Variants in BRINP3 observed in about 807,000 individuals in gnomAD.
BRINP3 encodes the protein BMP/retinoic acid-inducible neural-specific protein 3.
A neutral mutation model predicts 71.0 loss-of-function variants in BRINP3; 19 were observed. The observed-to-expected ratio is 0.27, with a 90% CI of 0.19 to 0.39. BRINP3 has a LOEUF of 0.39. Among genes scored for constraint, BRINP3 ranks in the 10% least tolerant of loss-of-function variants. The pLI is 1.00. For synonymous variants in BRINP3, 380 were observed against 337.7 expected (o/e 1.13, Z -1.37); for missense variants, 959 against 940.8 (o/e 1.02, Z -0.25).
chr1:190,314,357 G>A (rs1665739923), intron 2 of BRINP3, among the ~76,000 whole-genome samples: 3 of 152,038 alleles, frequency 2.0e-5, no homozygotes, highest in African/African-American at 7.2e-5. Context: ...ATCCATGAAT[G>A]TCTTGGGTTA....
chr1:190,203,750 AATATATATATATATATATATATATAT>A (rs553650706), intron 6 of BRINP3, among the ~76,000 whole-genome samples: 1,008 of 39,336 alleles, frequency 0.026, 53 homozygotes, highest in African/African-American at 0.042. Flanking sequence ...CACTAAAGAA[AATATATATATATATATATATATATAT>A]ATATATATAT....
At chr1:190,162,582 A>G (rs1417701191) in intron 6 of BRINP3, among the ~76,000 whole-genome samples, 2 of 152,194 alleles carry the variant, frequency 1.3e-5, no homozygotes, top group African/African-American at 2.4e-5. Context: ...AGATGCCACT[A>G]TCTTCAAAAC....
At chr1:190,205,586 G>C (rs539492738) in intron 6 of BRINP3, among the ~76,000 whole-genome samples, 1 of 152,042 alleles carries the variant, frequency 6.6e-6, no homozygotes, top group Non-Finnish European at 1.5e-5. Flanking sequence ...TTAGAGAAAA[G>C]AAATGATTGG....
In BRINP3 at chr1:190,157,449, T is replaced by C. The variant is rs188999078; in HGVS notation, c.1184+3219A>G. ...TGGATTCCCTGAGATTGTCCAAATC[T>C]TCCCTGAGCTTCAGACATACATATC... On this transcript the variant is annotated intron_variant, in intron 7 of 7. Coordinates refer to ENST00000367462, the MANE Select transcript of BRINP3 (RefSeq NM_199051.3). Among the ~76,000 whole-genome samples the C allele has an allele frequency of 3.7e-3, 556 of 152,154 alleles. 2 individuals are homozygous for C. Among genetic ancestry groups the C allele is most frequent in the Non-Finnish European group, 5.8e-3 (392 of 67,978 alleles).
intron 2 of BRINP3, among the ~76,000 whole-genome samples, chr1:190,423,861 T>C (rs73058758): frequency 0.018 from 2,803 of 151,782 alleles, 90 homozygotes; most frequent in African/African-American, 0.064. Context: ...TTTTCTCTTA[T>C]AGGGATTTTA....
chr1:190,455,082 A>G (rs949938452), intron 1 of BRINP3, 142 bp from the exon 2 acceptor site: 9 of 496,740 alleles, frequency 1.8e-5, no homozygotes, highest in Non-Finnish European at 2.8e-5. Flanking sequence ...AATACAAACC[A>G]AAATTATTTT....
chr1:190,292,986 G>C (rs888795013), intron 2 of BRINP3, among the ~76,000 whole-genome samples: 8 of 147,746 alleles, frequency 5.4e-5, no homozygotes, highest in Non-Finnish European at 7.5e-5. Context: ...TATTATTTTT[G>C]ATTTGTTGAT....
intron 2 of BRINP3, among the ~76,000 whole-genome samples, chr1:190,298,984 G>T (rs1181101230): frequency 6.6e-6 from 1 of 152,052 alleles, no homozygotes; most frequent in East Asian, 1.9e-4. Context: ...CTGCAGCCCA[G>T]TTGTTTGGTG....
chr1:190,191,127 T>C (rs1157923429), intron 6 of BRINP3, among the ~76,000 whole-genome samples: 1 of 152,112 alleles, frequency 6.6e-6, no homozygotes, highest in East Asian at 1.9e-4. Context: ...TTAACAATCA[T>C]CAATCATTCA....
rs1041635742 is a variant in BRINP3, at chr1:190,397,519, T to C, written c.236+57136A>G. Among the ~76,000 whole-genome samples the C allele has an allele frequency of 3.3e-4, 50 of 152,122 alleles. 1 individual carries two copies. Among genetic ancestry groups the C allele is most frequent in the Admixed American group, 3.2e-3 (48 of 15,236 alleles). ...TCCTTGGTCTGAAAACAATCAGTTG[T>C]GTACCTTAGATTTCTTTCATATTAT... On this transcript the variant is annotated intron_variant, in intron 2 of 7. Coordinates refer to ENST00000367462, the MANE Select transcript of BRINP3 (RefSeq NM_199051.3).
intron 6 of BRINP3, among the ~76,000 whole-genome samples, chr1:190,212,365 C>T (rs1431415061): frequency 6.6e-6 from 1 of 152,030 alleles, no homozygotes; most frequent in Non-Finnish European, 1.5e-5. Context: ...ATCTTATTTT[C>T]AGCTATTTAG....
intron 4 of BRINP3, among the ~76,000 whole-genome samples, chr1:190,264,100 A>G (rs987077144): frequency 6.6e-6 from 1 of 152,228 alleles, no homozygotes; most frequent in African/African-American, 2.4e-5. Context: ...GCCATTTGAC[A>G]AATGAAATTA....
intron 2 of BRINP3, chr1:190,302,797 T>C (rs987395949): frequency 6.6e-6 from 1 of 151,846 alleles, no homozygotes; most frequent in African/African-American, 2.4e-5. Context: ...TTCAGGTAAG[T>C]GCTGTATATA....
chr1:190,116,503 G>A lies in BRINP3; in HGVS notation c.1185-17369C>T, dbSNP rs181818363. ...ACACCTGCTGTCCTTTCTGTTATTTGTTTGTAAAATTAAATTCAAAGTAGC... is the reference window on the plus strand; with the variant it reads ...ACACCTGCTGTCCTTTCTGTTATTTATTTGTAAAATTAAATTCAAAGTAGC... On this transcript the variant is annotated intron_variant, in intron 7 of 7. Coordinates refer to ENST00000367462, the MANE Select transcript of BRINP3 (RefSeq NM_199051.3). Among the ~76,000 whole-genome samples the A allele has an allele frequency of 1.2e-4, 19 of 152,096 alleles. No individual in the cohort carries two copies. The East Asian group carries it at 3.3e-3, about 26-fold the overall frequency.
At chr1:190,459,042 T>C (rs1038314100) in intron 1 of BRINP3, among the ~76,000 whole-genome samples, 1 of 151,700 alleles carries the variant, frequency 6.6e-6, no homozygotes, top group South Asian at 2.1e-4. Flanking sequence ...TAAGTATTTA[T>C]GGTTTTTTTC....
chr1:190,456,881 G>A (rs1676030000), intron 1 of BRINP3, among the ~76,000 whole-genome samples: 2 of 152,176 alleles, frequency 1.3e-5, no homozygotes, highest in South Asian at 2.1e-4. Flanking sequence ...GAAAGGATGT[G>A]TTTCTTAATT....
intron 2 of BRINP3, among the ~76,000 whole-genome samples, chr1:190,408,019 C>CTT (rs34343187): frequency 0.79 from 79,196 of 99,792 alleles, 34,023 homozygotes; most frequent in Non-Finnish European, 0.89. Context: ...CTACATTTGT[C>CTT]TTTTTTTTTT....
At chr1:190,196,250 C>T (rs962342181) in intron 6 of BRINP3, among the ~76,000 whole-genome samples, 11 of 152,106 alleles carry the variant, frequency 7.2e-5, no homozygotes, top group African/African-American at 2.7e-4. Context: ...CTACCAATAG[C>T]ACCCTGCCTT....
chr1:190,098,247 T>G lies in BRINP3; in HGVS notation c.2072A>C (p.Tyr691Ser). Residue 691 changes from tyrosine to serine, a missense_variant, in exon 8 of 8, where the codon TAT (tyrosine) becomes TCT (serine). Physicochemically the swap from Tyr to Ser is moderately radical, Grantham distance 144. Coordinates refer to ENST00000367462, the MANE Select transcript of BRINP3 (RefSeq NM_199051.3). ...RDLILQLDYP[Y>S]TQGSQDSALL... ...TGCTGAATCCTGGGATCCCTGAGTA[T>G]AGGGGTAGTCCAGCTGCAAAATCAG... The G allele has an allele frequency of 6.2e-7, 1 of 1,614,160 alleles. No homozygotes were observed. Among genetic ancestry groups the G allele is most frequent in the Non-Finnish European group, 8.5e-7 (1 of 1,180,026 alleles).
Sources: gnomAD v4.1 joint callset for allele counts (sites outside exome capture counted in the v4.1 genomes callset) on GRCh38, gnomAD v4.1.1 for gene constraint, MANE v1.5 for transcripts, NCBI Gene and HGNC (gene_info 2026-07-23, HGNC 2026-07-21) for gene names.